Variants in NRXN3 observed in about 807,000 individuals in gnomAD.
NRXN3 encodes the protein neurexin 3.
A neutral mutation model predicts 137.6 loss-of-function variants in NRXN3; 32 were observed. The observed-to-expected ratio is 0.23, with a 90% CI of 0.18 to 0.31. NRXN3 has a LOEUF of 0.31. Among genes scored for constraint, NRXN3 ranks in the 10% least tolerant of loss-of-function variants. The pLI is 1.00. For synonymous variants in NRXN3, 798 were observed against 784.5 expected, an observed-to-expected ratio of 1.02 and a Z score of -0.29; for missense variants, 1,574 against 2,062.5, an observed-to-expected ratio of 0.76 and a Z score of 4.59.
chr14:79,269,208 C>A (rs2078931227), intron 15 of NRXN3, among the ~76,000 whole-genome samples: 1 of 152,088 alleles, frequency 6.6e-6, no homozygotes, highest in Non-Finnish European at 1.5e-5. Flanking sequence ...CGCCACCACG[C>A]CCGGCTAATT....
chr14:78,419,411 G>A (rs1207180604), intron 4 of NRXN3, among the ~76,000 whole-genome samples: 1 of 151,942 alleles, frequency 6.6e-6, no homozygotes, highest in African/African-American at 2.4e-5. Context: ...GCTAATTTTT[G>A]TATTTTTAGT....
At chr14:79,689,785 A>G (rs1015544492) in intron 17 of NRXN3, among the ~76,000 whole-genome samples, 1 of 151,932 alleles carries the variant, frequency 6.6e-6, no homozygotes, top group African/African-American at 2.4e-5. Flanking sequence ...TTTGAAAGAG[A>G]GTAGATGATG....
chr14:78,360,599 G>T (rs998255115), intron 4 of NRXN3, among the ~76,000 whole-genome samples: 1 of 152,130 alleles, frequency 6.6e-6, no homozygotes, highest in Non-Finnish European at 1.5e-5. Flanking sequence ...TAGTAATAGC[G>T]CCTACCCCAC....
chr14:78,424,187 C>T (rs2093572047), intron 4 of NRXN3, among the ~76,000 whole-genome samples: 1 of 152,154 alleles, frequency 6.6e-6, no homozygotes, highest in South Asian at 2.1e-4. Context: ...TTTTTGCTAC[C>T]ATCTGGTTGT....
intron 4 of NRXN3, among the ~76,000 whole-genome samples, chr14:78,439,707 T>TAC (rs2094182916): frequency 6.6e-6 from 1 of 152,226 alleles, no homozygotes; most frequent in African/African-American, 2.4e-5. Context: ...GCAGAATTTT[T>TAC]ACAGGTGTGG....
intron 15 of NRXN3, among the ~76,000 whole-genome samples, chr14:79,150,643 C>T (rs1374276866): frequency 6.6e-5 from 10 of 151,638 alleles, no homozygotes; most frequent in Non-Finnish European, 2.9e-5. Flanking sequence ...GTAGGAGATC[C>T]ACCACATAAG....
intron 10 of NRXN3, among the ~76,000 whole-genome samples, chr14:78,852,054 G>A (rs1349678957): frequency 6.6e-6 from 1 of 152,090 alleles, no homozygotes; most frequent in African/African-American, 2.4e-5. Flanking sequence ...AAATAGGGCA[G>A]CCATAGTAAT....
At chr14:79,701,473 A>G (rs765139930) in intron 19 of NRXN3, among the ~76,000 whole-genome samples, 1 of 152,004 alleles carries the variant, frequency 6.6e-6, no homozygotes, top group Non-Finnish European at 1.5e-5. Flanking sequence ...TTGCTGGGTT[A>G]ACTGGGAAGA....
At chr14:78,851,073 G>T (rs530098583) in intron 10 of NRXN3, among the ~76,000 whole-genome samples, 84 of 152,230 alleles carry the variant, frequency 5.5e-4, no homozygotes, top group Non-Finnish European at 8.8e-4. Flanking sequence ...CTGACAGTTA[G>T]GAGAAATATG....
chr14:78,582,623 C>T (rs890856379), intron 4 of NRXN3, among the ~76,000 whole-genome samples: 2 of 152,158 alleles, frequency 1.3e-5, no homozygotes, highest in Admixed American at 1.3e-4. Context: ...TGCCCTTCTG[C>T]CTCTGTCATG....
At chr14:78,646,249 A>G (rs2097686876) in intron 5 of NRXN3, among the ~76,000 whole-genome samples, 1 of 152,240 alleles carries the variant, frequency 6.6e-6, no homozygotes, top group East Asian at 1.9e-4. Context: ...ATGACTAATA[A>G]TAATGATAAC....
intron 4 of NRXN3, among the ~76,000 whole-genome samples, chr14:78,506,147 A>C (rs2095985755): frequency 6.6e-6 from 1 of 152,170 alleles, no homozygotes; most frequent in African/African-American, 2.4e-5. Flanking sequence ...CAGTCCCTGG[A>C]ACTAACATTA....
chr14:79,714,750 C>T (rs976712399), intron 19 of NRXN3, among the ~76,000 whole-genome samples: 3 of 152,160 alleles, frequency 2.0e-5, no homozygotes, highest in Non-Finnish European at 2.9e-5. Context: ...CAGTGAGCTA[C>T]ATCCTCTTGT....
intron 4 of NRXN3, among the ~76,000 whole-genome samples, chr14:78,596,952 C>T (rs572649627): frequency 4.6e-5 from 7 of 152,322 alleles, no homozygotes; most frequent in African/African-American, 1.7e-4. Context: ...AAAGAGAAAG[C>T]TGCAAAAACG....
At chr14:79,766,061 T>C (rs2099055037) in intron 19 of NRXN3, among the ~76,000 whole-genome samples, 1 of 152,248 alleles carries the variant, frequency 6.6e-6, no homozygotes, top group Non-Finnish European at 1.5e-5. Flanking sequence ...CAGGAACATG[T>C]TCTTTGGTTA....
chr14:79,279,258 C>A, intron 15 of NRXN3: 1 of 762,244 alleles, frequency 1.3e-6, no homozygotes, highest in Non-Finnish European at 1.6e-6. Flanking sequence ...TCGCTCTGGC[C>A]CCTCCTTCCT....
intron 17 of NRXN3, among the ~76,000 whole-genome samples, 154 bp from the exon 18 acceptor site, chr14:79,692,019 C>A (rs998497462): frequency 2.0e-5 from 3 of 151,944 alleles, no homozygotes; most frequent in Non-Finnish European, 4.4e-5. Flanking sequence ...AACCTATCGA[C>A]CAAGGGCAGA....
chr14:78,844,246 C>T (rs946668963), intron 10 of NRXN3, among the ~76,000 whole-genome samples: 2 of 152,098 alleles, frequency 1.3e-5, no homozygotes, highest in Non-Finnish European at 2.9e-5. Context: ...CATGTGATTG[C>T]ATTTAGAACA....
At chr14:79,736,098 C>G (rs2098940902) in intron 19 of NRXN3, among the ~76,000 whole-genome samples, 1 of 152,150 alleles carries the variant, frequency 6.6e-6, no homozygotes, top group South Asian at 2.1e-4. Flanking sequence ...TCCCATCAGA[C>G]CAGGATTTCA....
Sources: allele counts gnomAD v4.1 joint callset (sites outside exome capture counted in the v4.1 genomes callset), GRCh38; gene constraint gnomAD v4.1.1; transcripts MANE v1.5; gene names NCBI Gene and HGNC (gene_info 2026-07-23, HGNC 2026-07-21).